The following BCL2L13 variants were observed in gnomAD, a reference collection of about 807,000 sequenced individuals.
The protein encoded by BCL2L13 is bcl-2-like protein 13.
In BCL2L13, 13 loss-of-function variants were observed where a neutral mutation model predicts 25.8. That is an observed-to-expected ratio of 0.50 (90% CI 0.33 to 0.80). The LOEUF is 0.80. Among genes scored for constraint, BCL2L13 ranks in the 30% least tolerant of loss-of-function variants. BCL2L13 has a pLI of 0.02. For missense variants in BCL2L13, 504 were observed against 574.9 expected (o/e 0.88, Z 1.26); for synonymous variants, 244 against 230.3 (o/e 1.06, Z -0.54).
chr22:17,667,779 G>C (rs1331040319), intron 2 of BCL2L13, among the ~76,000 whole-genome samples: 1 of 150,996 alleles, frequency 6.6e-6, no homozygotes. Flanking sequence ...AAAGTGTTGG[G>C]ATTACAGGCG....
intron 1 of BCL2L13, among the ~76,000 whole-genome samples, chr22:17,641,799 T>G (rs969123875): frequency 2.6e-5 from 2 of 76,522 alleles, no homozygotes; most frequent in Admixed American, 1.1e-4. Flanking sequence ...ATAATATGTG[T>G]TTTTTTTTTT....
intron 6 of BCL2L13, chr22:17,706,585 C>G: frequency 1.2e-6 from 1 of 869,436 alleles, no homozygotes; most frequent in Non-Finnish European, 1.4e-6. Context: ...TTTTCACATG[C>G]GTCTCTGAAG....
intron 6 of BCL2L13, among the ~76,000 whole-genome samples, chr22:17,719,261 A>C (rs2061034765): frequency 6.6e-6 from 1 of 152,154 alleles, no homozygotes; most frequent in African/African-American, 2.4e-5. Flanking sequence ...GTCATTCTAA[A>C]GAAAATGTAC....
At chr22:17,705,826 G>A (rs767725824) in intron 6 of BCL2L13, among the ~76,000 whole-genome samples, 10 of 152,098 alleles carry the variant, frequency 6.6e-5, no homozygotes, top group Non-Finnish European at 1.5e-4. Context: ...ACAACATCAA[G>A]TGAAACAAAC....
chr22:17,686,925 T>C (rs2059959112), intron 3 of BCL2L13, among the ~76,000 whole-genome samples: 1 of 152,004 alleles, frequency 6.6e-6, no homozygotes, highest in Non-Finnish European at 1.5e-5. Context: ...AAGAAGAGAG[T>C]AACAAAAGGT....
intron 4 of BCL2L13, among the ~76,000 whole-genome samples, chr22:17,691,438 A>C (rs1386298553): frequency 6.6e-6 from 1 of 152,162 alleles, no homozygotes; most frequent in Non-Finnish European, 1.5e-5. Context: ...CGAGGTCAGG[A>C]GATTGAGACC....
intron 1 of BCL2L13, among the ~76,000 whole-genome samples, chr22:17,639,490 A>G (rs775914784): frequency 6.6e-6 from 1 of 152,046 alleles, no homozygotes; most frequent in Non-Finnish European, 1.5e-5. Context: ...TAAAGATCCT[A>G]TTTCTTGCCT....
intron 5 of BCL2L13, among the ~76,000 whole-genome samples, chr22:17,699,409 A>G (rs2060364518): frequency 6.6e-6 from 1 of 152,166 alleles, no homozygotes; most frequent in Admixed American, 6.6e-5. Context: ...ATAAAAGGAT[A>G]ATGTCCCTAA....
intron 1 of BCL2L13, among the ~76,000 whole-genome samples, chr22:17,629,377 G>A (rs2057955709): frequency 6.6e-6 from 1 of 152,062 alleles, no homozygotes; most frequent in Non-Finnish European, 1.5e-5. Flanking sequence ...CTAGGGAGTG[G>A]GAAGCTATGC....
intron 1 of BCL2L13, among the ~76,000 whole-genome samples, chr22:17,650,660 C>T (rs1324533677): frequency 6.6e-6 from 1 of 152,062 alleles, no homozygotes; most frequent in East Asian, 1.9e-4. Context: ...AAACTATAGT[C>T]CCTCTGACAT....
chr22:17,640,877 ATT>A (rs1406287646), intron 1 of BCL2L13, among the ~76,000 whole-genome samples: 1 of 131,024 alleles, frequency 7.6e-6, no homozygotes, highest in Admixed American at 8.8e-5. Context: ...TTGTTTATTA[ATT>A]TTTTATATAT....
At chr22:17,646,686 A>G (rs1345611112) in intron 1 of BCL2L13, among the ~76,000 whole-genome samples, 1 of 140,568 alleles carries the variant, frequency 7.1e-6, no homozygotes, top group Non-Finnish European at 1.5e-5. Flanking sequence ...TGTCCCTCTC[A>G]TCATTTGAAA....
At chr22:17,688,482 C>T (rs2060010272) in intron 3 of BCL2L13, among the ~76,000 whole-genome samples, 1 of 152,036 alleles carries the variant, frequency 6.6e-6, no homozygotes, top group Admixed American at 6.6e-5. Flanking sequence ...CCAGGAATTG[C>T]TTCTCATTTA....
At chr22:17,706,363 G>A (rs963296078) in intron 6 of BCL2L13, among the ~76,000 whole-genome samples, 18 of 148,000 alleles carry the variant, frequency 1.2e-4, no homozygotes, top group Non-Finnish European at 2.4e-4. Flanking sequence ...CTTTTTACCC[G>A]GCGAATGATG....
At chr22:17,723,540 AAAC>A (rs1374707867) in intron 6 of BCL2L13, among the ~76,000 whole-genome samples, 30 of 152,298 alleles carry the variant, frequency 2.0e-4, no homozygotes, top group African/African-American at 7.0e-4. Flanking sequence ...ATACCACCAA[AAAC>A]AACAATTAAA....
chr22:17,700,098 G>A (rs959619943), intron 5 of BCL2L13, among the ~76,000 whole-genome samples: 2 of 151,952 alleles, frequency 1.3e-5, no homozygotes, highest in Non-Finnish European at 2.9e-5. Flanking sequence ...GAAAATGTCC[G>A]TCCTGAAAAA....
At chr22:17,644,400 G>A (rs1019933757) in intron 1 of BCL2L13, among the ~76,000 whole-genome samples, 2 of 146,652 alleles carry the variant, frequency 1.4e-5, no homozygotes, top group Non-Finnish European at 3.0e-5. Flanking sequence ...GCACTATCTC[G>A]GCTCACTGCA....
intron 6 of BCL2L13, among the ~76,000 whole-genome samples, chr22:17,706,052 T>G (rs1282287796): frequency 6.6e-6 from 1 of 152,242 alleles, no homozygotes; most frequent in Non-Finnish European, 1.5e-5. Flanking sequence ...CTTGCTTTGT[T>G]GCCCTGGCTG....
intron 1 of BCL2L13, among the ~76,000 whole-genome samples, chr22:17,631,697 TA>T: frequency 1.6e-4 from 7 of 44,142 alleles, no homozygotes; most frequent in Admixed American, 1.5e-3. Context: ...TATATATATA[TA>T]TATATATATT....
Sources: allele counts gnomAD v4.1 joint callset (sites outside exome capture counted in the v4.1 genomes callset), GRCh38; gene constraint gnomAD v4.1.1; transcripts MANE v1.5; gene names NCBI Gene and HGNC (gene_info 2026-07-23, HGNC 2026-07-21).